The following ALPK1 variants were observed in gnomAD, a reference collection of about 807,000 sequenced individuals.
The protein encoded by ALPK1 is alpha kinase 1.
ALPK1 carries 110 observed loss-of-function variants against 120.6 expected under a neutral mutation model. The ratio of observed to expected loss-of-function variants is 0.91; its 90% confidence interval spans 0.78 to 1.07. ALPK1 has a LOEUF of 1.07. ALPK1 is among the 50% of genes least tolerant of loss of function. ALPK1 has a pLI of 0.00. For synonymous variants in ALPK1, 582 were observed against 560.3 expected, an observed-to-expected ratio of 1.04 and a Z score of -0.55; for missense variants, 1,498 against 1,483.9, an observed-to-expected ratio of 1.01 and a Z score of -0.16.
At position 112,441,423 on chromosome 4, in the gene ALPK1, A is replaced by G. The variant is rs1280913971; in HGVS notation, c.*213A>G. The stretch of plus-strand genomic sequence containing the variant: ...GCATAAGTCCTGCAAGGAAAGCAAC[A>G]TGGAAAACAGCCCCAACTCACCCAT... On this transcript the variant is annotated 3_prime_UTR_variant, in exon 16 of 16. Transcript: ENST00000650871. 2.1e-5 allele frequency: 13 copies of G among 610,578 alleles called. No individual in the cohort carries two copies. The highest frequency in any genetic ancestry group is 3.5e-5 in the Non-Finnish European group (12 of 341,750). The allele number at this position is 610,578 out of a possible 1,614,324, so 37.8% of individuals were successfully genotyped here. A position where few individuals can be genotyped will look rare whatever the true frequency, so the allele number is the denominator to read the frequency against.
At chr4:112,369,029 T>G (rs201058439) in intron 2 of ALPK1, among the ~76,000 whole-genome samples, 2 of 3,958 alleles carry the variant, frequency 5.1e-4, no homozygotes, top group African/African-American at 2.0e-3. Context: ...CAGCCTTTAC[T>G]TCTTTTTTTG....
intron 2 of ALPK1, among the ~76,000 whole-genome samples, chr4:112,371,805 T>C (rs961737196): frequency 6.6e-6 from 1 of 152,234 alleles, no homozygotes; most frequent in East Asian, 1.9e-4. Context: ...AAAATATACA[T>C]ACATAAAAAC....
At chr4:112,437,818 G>C (rs550011723) in intron 12 of ALPK1, among the ~76,000 whole-genome samples, 1 of 152,244 alleles carries the variant, frequency 6.6e-6, no homozygotes, top group South Asian at 2.1e-4. Context: ...ATTTTTGGTG[G>C]TCACTCTGGG....
intron 4 of ALPK1, among the ~76,000 whole-genome samples, chr4:112,389,835 G>A (rs1269176837): frequency 6.6e-6 from 1 of 152,176 alleles, no homozygotes; most frequent in Non-Finnish European, 1.5e-5. Context: ...AATAAGCTGG[G>A]AACTTCAAGG....
At chr4:112,330,531 G>A (rs1350788574) in intron 2 of ALPK1, among the ~76,000 whole-genome samples, 1 of 152,202 alleles carries the variant, frequency 6.6e-6, no homozygotes, top group East Asian at 1.9e-4. Flanking sequence ...AAAGGCTAGA[G>A]TTATAATCTA....
intron 11 of ALPK1, among the ~76,000 whole-genome samples, chr4:112,434,180 A>C (rs1015327699): frequency 1.3e-5 from 2 of 152,326 alleles, no homozygotes; most frequent in African/African-American, 4.8e-5. Flanking sequence ...GAAATACATT[A>C]GAGGAAGCAA....
At chr4:112,351,545 C>T (rs1020292446) in intron 2 of ALPK1, among the ~76,000 whole-genome samples, 2 of 151,724 alleles carry the variant, frequency 1.3e-5, no homozygotes, top group Admixed American at 6.6e-5. Flanking sequence ...ACGATCTCGG[C>T]TCACTGCAGC....
chr4:112,391,596 G>T (rs1159697106), intron 4 of ALPK1, among the ~76,000 whole-genome samples: 1 of 152,210 alleles, frequency 6.6e-6, no homozygotes, highest in African/African-American at 2.4e-5. Flanking sequence ...TAGTGGCCTT[G>T]TGAGAATACC....
At chr4:112,364,276 T>C (rs1323326515) in intron 2 of ALPK1, among the ~76,000 whole-genome samples, 3 of 151,522 alleles carry the variant, frequency 2.0e-5, no homozygotes, top group Admixed American at 2.0e-4. Context: ...AACAAAAAGC[T>C]GGTTCTTTGA....
At chr4:112,340,848 G>T (rs1729830674) in intron 2 of ALPK1, among the ~76,000 whole-genome samples, 1 of 152,212 alleles carries the variant, frequency 6.6e-6, no homozygotes, top group Admixed American at 6.5e-5. Context: ...TTTCATTTTA[G>T]TATTAGAATT....
intron 2 of ALPK1, among the ~76,000 whole-genome samples, chr4:112,344,493 CAT>C (rs1269427486): frequency 2.0e-5 from 3 of 152,118 alleles, no homozygotes; most frequent in Non-Finnish European, 2.9e-5. Flanking sequence ...TGGAAGAAGA[CAT>C]ATGTGATATA....
chr4:112,432,014 C>T lies in ALPK1; in HGVS notation c.2467C>T (p.Pro823Ser), dbSNP rs1356117295. The change falls in exon 11 of 16, where the codon CCT becomes TCT. Residue 823 changes from proline (P) to serine (S), a missense_variant. Coordinates refer to ENST00000650871, the MANE Select transcript of ALPK1 (RefSeq NM_025144.4). ...ISMLPCSSFT[P>S]NWPVQNPDSR... ...CATGCTGCCATGTAGCTCCTTCACC[C>T]CTAATTGGCCTGTTCAAAATCCTGA... 6.2e-7 allele frequency: 1 copy of T among 1,614,006 alleles called. No individual in the cohort carries two copies. The highest frequency in any genetic ancestry group is 1.3e-5 in the African/African-American group (1 of 75,046).
intron 2 of ALPK1, among the ~76,000 whole-genome samples, chr4:112,319,790 AT>A (rs1033178937): frequency 1.3e-5 from 2 of 152,006 alleles, no homozygotes; most frequent in African/African-American, 2.4e-5. Flanking sequence ...TAAGTAATTT[AT>A]TTTTTTGCAG....
chr4:112,375,574 T>C (rs999297750), intron 2 of ALPK1, among the ~76,000 whole-genome samples: 2 of 152,182 alleles, frequency 1.3e-5, no homozygotes, highest in African/African-American at 2.4e-5. Context: ...TCAGTCTTCA[T>C]AGAGTTGAAG....
intron 1 of ALPK1, among the ~76,000 whole-genome samples, chr4:112,310,038 C>G (rs955718889): frequency 3.3e-5 from 5 of 152,046 alleles, no homozygotes; most frequent in African/African-American, 9.7e-5. Context: ...ATCTTTTTAT[C>G]TCTGAATTCC....
chr4:112,412,015 C>G lies in ALPK1; in HGVS notation c.465C>G (p.Ser155=), dbSNP rs146381479. 1 of 1,614,028 alleles carries G rather than the reference C, an allele frequency of 6.2e-7. No homozygotes were observed. Among genetic ancestry groups the G allele is most frequent in the Non-Finnish European group, 8.5e-7 (1 of 1,180,042 alleles). The part of the protein sequence containing the change: ...PQVVIRQARI[S]VNSGKLLKAE... ...TGGTTATTCGCCAAGCCCGAATCTC[C>G]GTGAACTCAGGTATGCTCCCTCCTG... The change falls in exon 5 of 16, where the codon TCC becomes TCG. Residue 155 remains serine, a synonymous_variant. Transcript: ENST00000650871.
chr4:112,350,931 C>T (rs1202438737), intron 2 of ALPK1, among the ~76,000 whole-genome samples: 1 of 152,172 alleles, frequency 6.6e-6, no homozygotes, highest in Admixed American at 6.5e-5. Context: ...AGCGTTCTCT[C>T]ATTTGGGGTG....
At chr4:112,381,081 G>A (rs746112664) in intron 3 of ALPK1, among the ~76,000 whole-genome samples, 1 of 152,236 alleles carries the variant, frequency 6.6e-6, no homozygotes, top group Non-Finnish European at 1.5e-5. Context: ...TTTTTATTCA[G>A]GGCAATGGAC....
intron 1 of ALPK1, among the ~76,000 whole-genome samples, chr4:112,305,149 G>A (rs1254282089): frequency 8.6e-5 from 13 of 152,034 alleles, no homozygotes; most frequent in African/African-American, 1.5e-4. Flanking sequence ...TTTGGTTACC[G>A]TAGCCTTGTA....
Sources: allele counts gnomAD v4.1 joint callset (sites outside exome capture counted in the v4.1 genomes callset), GRCh38; gene constraint gnomAD v4.1.1; transcripts MANE v1.5; gene names NCBI Gene and HGNC (gene_info 2026-07-23, HGNC 2026-07-21).